The following CENPC variants were observed in gnomAD, a reference collection of about 807,000 sequenced individuals.
CENPC encodes centromere protein C.
CENPC carries 63 observed loss-of-function variants against 112.1 expected under a neutral mutation model. The observed-to-expected ratio is 0.56, with a 90% confidence interval of 0.46 to 0.69. The LOEUF is 0.69. CENPC is among the 30% of genes least tolerant of loss of function. The pLI, the probability that CENPC is intolerant of heterozygous loss-of-function variation, is 0.00. For synonymous variants in CENPC, 333 were observed against 367.6 expected, an observed-to-expected ratio of 0.91 and a Z score of 1.08; for missense variants, 1,000 against 1,103.8, an observed-to-expected ratio of 0.91 and a Z score of 1.33.
At chr4:67,484,891 A>C (rs1324008840) in intron 17 of CENPC, among the ~76,000 whole-genome samples, 1 of 152,144 alleles carries the variant, frequency 6.6e-6, no homozygotes, top group Non-Finnish European at 1.5e-5. Context: ...CAGGAGATCG[A>C]GACCATCCTG....
intron 4 of CENPC, among the ~76,000 whole-genome samples, chr4:67,535,521 G>T (rs745665020): frequency 6.6e-6 from 1 of 151,920 alleles, no homozygotes; most frequent in East Asian, 1.9e-4. Flanking sequence ...ATACTTAGAC[G>T]TTTGTCATAG....
intron 6 of CENPC, among the ~76,000 whole-genome samples, chr4:67,518,643 G>A (rs1409460859): frequency 6.6e-6 from 1 of 152,102 alleles, no homozygotes. Flanking sequence ...TGGTTCTCAG[G>A]GCAATCTTAG....
At chr4:67,504,989 T>G in intron 12 of CENPC, 1 of 532,144 alleles carries the variant, frequency 1.9e-6, no homozygotes, top group East Asian at 3.3e-5. Context: ...ACACCTTAAG[T>G]GCCAATATTT....
chr4:67,477,836 GAAAT>G (rs1724846688), intron 17 of CENPC, among the ~76,000 whole-genome samples: 2 of 151,922 alleles, frequency 1.3e-5, no homozygotes, highest in African/African-American at 4.8e-5. Context: ...AATCTCGAGA[GAAAT>G]AGATAGCATA....
intron 14 of CENPC, 34 bp from the exon 15 acceptor site, chr4:67,493,031 G>T: frequency 6.8e-7 from 1 of 1,470,696 alleles, no homozygotes; most frequent in East Asian, 2.7e-5. Flanking sequence ...AATATACATG[G>T]GAAAGACAAA....
chr4:67,537,280 T>C (rs1726751230), intron 4 of CENPC, among the ~76,000 whole-genome samples: 1 of 152,194 alleles, frequency 6.6e-6, no homozygotes, highest in Admixed American at 6.5e-5. Context: ...TAATGTTCTA[T>C]ATCATCATCT....
intron 4 of CENPC, among the ~76,000 whole-genome samples, chr4:67,531,587 C>T (rs1025470447): frequency 6.6e-6 from 1 of 152,124 alleles, no homozygotes; most frequent in Non-Finnish European, 1.5e-5. Context: ...TCTGGGAGTG[C>T]GTAAAATTTT....
Position 67,495,357 on chromosome 4 carries a change from T to A in CENPC, c.2132-145A>T, listed in dbSNP as rs1444485489. The A allele has an allele frequency of 1.3e-5, 10 of 746,612 alleles. No homozygotes were observed. In the East Asian group the frequency reaches 3.3e-4, roughly 24 times the overall value. The allele number at this position is 746,612 out of a possible 1,614,324, so 46.2% of individuals were successfully genotyped here. ...TTTTATTACTCCTTTTGCTTTTCATTGCTCAACTATAAAAACTAAGGAAAA... is the reference window on the plus strand; with the variant it reads ...TTTTATTACTCCTTTTGCTTTTCATAGCTCAACTATAAAAACTAAGGAAAA... On this transcript the variant is annotated intron_variant, in intron 12 of 18. Coordinates refer to ENST00000273853, the MANE Select transcript of CENPC (RefSeq NM_001812.4).
In CENPC at chr4:67,492,992, A is replaced by C. The variant is rs1255776241; in HGVS notation, c.2296T>G (p.Phe766Val). The C allele has an allele frequency of 2.6e-6, 4 of 1,518,168 alleles. No homozygotes were observed. The East Asian group carries it at 1.0e-4, about 38-fold the overall frequency. 94.0% of individuals were successfully genotyped at this position (1,518,168 alleles called of 1,614,324 possible). ...GGAGATAGTACTCCACTAATCACGA[A>C]TCCTCCTGAAATTTAACAAAAAAAG... ...IDYQGRPSGG[F>V]VISGVLSPDT... The change falls in exon 15 of 19, where the codon TTC (phenylalanine) becomes GTC (valine). Residue 766 changes from phenylalanine to valine, a missense_variant. By Grantham distance (50) the Phe-to-Val change is conservative (BLOSUM62 -1). Transcript: ENST00000273853.
intron 4 of CENPC, among the ~76,000 whole-genome samples, chr4:67,538,368 T>C (rs1726786815): frequency 6.6e-6 from 1 of 152,160 alleles, no homozygotes; most frequent in Admixed American, 6.6e-5. Flanking sequence ...TAGAGCACAA[T>C]GTCTTAAAAG....
Position 67,531,639 on chromosome 4 carries a change from C to T in CENPC, c.232-725G>A, listed in dbSNP as rs140578868. 1.4e-3 allele frequency among the ~76,000 whole-genome samples: 214 copies of T among 152,282 alleles called. 3 individuals carry two copies. The highest frequency in any genetic ancestry group is 4.7e-3 in the African/African-American group (196 of 41,552). On this transcript the variant is annotated intron_variant, in intron 4 of 18. Transcript: ENST00000273853. ...CTATGGGACCAACCCCCAGTGAAAA[C>T]AGGCTGAGTTTCAAAAGGCTTCTCT...
At chr4:67,494,038 T>C in intron 13 of CENPC, 50 bp from the exon 14 acceptor site, 1 of 1,079,026 alleles carries the variant, frequency 9.3e-7, no homozygotes, top group Non-Finnish European at 1.3e-6. Flanking sequence ...TAGTTGATGG[T>C]ACTTAGCAGT....
At chr4:67,473,250 A>C (rs1322176635) in intron 18 of CENPC, among the ~76,000 whole-genome samples, 1 of 152,168 alleles carries the variant, frequency 6.6e-6, no homozygotes, top group Non-Finnish European at 1.5e-5. Context: ...AAATTTTAAA[A>C]AGGCAAATGC....
chr4:67,491,913 T>C (rs1355668248), intron 16 of CENPC, among the ~76,000 whole-genome samples: 1 of 152,170 alleles, frequency 6.6e-6, no homozygotes, highest in Non-Finnish European at 1.5e-5. Context: ...CTAGACCCTG[T>C]TGGGGGAGAC....
chr4:67,510,335 T>C (rs2109799736), intron 9 of CENPC, among the ~76,000 whole-genome samples: 1 of 152,314 alleles, frequency 6.6e-6, no homozygotes, highest in Non-Finnish European at 1.5e-5. Flanking sequence ...AACTCCTAGT[T>C]CATCCTTCAG....
chr4:67,473,526 A>G (rs890816980), intron 18 of CENPC, among the ~76,000 whole-genome samples: 1 of 152,150 alleles, frequency 6.6e-6, no homozygotes, highest in African/African-American at 2.4e-5. Context: ...CAAATCTTGC[A>G]GCAATACATG....
rs1725752321 is a variant in CENPC at position 67,506,953 on chromosome 4, T to C, written c.1905-19A>G. 1.9e-6 allele frequency: 3 copies of C among 1,576,970 alleles called. No individual in the cohort carries two copies. The East Asian group carries it at 6.7e-5, about 35-fold the overall frequency. ...TGTAGATCTATAAAAATGATAAATG[T>C]ATGAGTGTTTATACTTCTTCAAAAT... On this transcript the variant is annotated intron_variant, in intron 10 of 18. Coordinates refer to ENST00000273853, the MANE Select transcript of CENPC (RefSeq NM_001812.4).
At chr4:67,532,311 A>C (rs1726577297) in intron 4 of CENPC, among the ~76,000 whole-genome samples, 1 of 152,148 alleles carries the variant, frequency 6.6e-6, no homozygotes, top group Non-Finnish European at 1.5e-5. Context: ...ACTGTAAACT[A>C]GTTCAACCAT....
At position 67,487,215 on chromosome 4, in the gene CENPC, A is replaced by T. The variant is rs1725119403; in HGVS notation, c.2670+2752T>A. Among the ~76,000 whole-genome samples the T allele has an allele frequency of 2.6e-5, 4 of 152,068 alleles. 1 individual carries two copies. The highest frequency in any genetic ancestry group is 2.6e-4 in the Admixed American group (4 of 15,262). On this transcript the variant is annotated intron_variant, in intron 17 of 18. Transcript: ENST00000273853. ...TATTCTAATAAGAACAAACTCATCTATTATTTGATTACCTAATAGCACAGT... is the reference window on the plus strand; with the variant it reads ...TATTCTAATAAGAACAAACTCATCTTTTATTTGATTACCTAATAGCACAGT...
Sources: gnomAD v4.1 joint callset for allele counts (sites outside exome capture counted in the v4.1 genomes callset) on GRCh38, gnomAD v4.1.1 for gene constraint, MANE v1.5 for transcripts, NCBI Gene and HGNC (gene_info 2026-07-23, HGNC 2026-07-21) for gene names.